The following ITSN2 variants were observed in gnomAD, a reference collection of about 807,000 sequenced individuals.
ITSN2 encodes intersectin-2.
A neutral mutation model predicts 243.7 loss-of-function variants in ITSN2; 156 were observed. That is an observed-to-expected ratio of 0.64 (90% CI 0.56 to 0.73). The LOEUF (loss-of-function observed/expected upper bound fraction) is 0.73, where lower values mean the gene tolerates loss of function less well. ITSN2 is among the 30% of genes least tolerant of loss of function. ITSN2 has a pLI of 0.00. For synonymous variants in ITSN2, 703 were observed against 699.9 expected (o/e 1.00, Z -0.07); for missense variants, 1,801 against 1,996.1 (o/e 0.90, Z 1.86).
Position 24,204,917 on chromosome 2 carries a change from C to T in ITSN2, c.4762+297G>A, listed in dbSNP as rs531243075. 4.3e-5 allele frequency: 16 copies of T among 374,496 alleles called. No homozygotes were observed. In the East Asian group the frequency reaches 7.0e-4, roughly 16 times the overall value. 23.2% of individuals were successfully genotyped at this position (374,496 alleles called of 1,614,324 possible). A position where few individuals can be genotyped will look rare whatever the true frequency, so the allele number is the denominator to read the frequency against. ...ATCCCAGCACTTTGGGAGGCCGAGG[C>T]GGGCAGATCACTTGAGGTCAGGAGT... is the stretch of plus-strand genomic sequence containing the variant. On this transcript the variant is annotated intron_variant, in intron 38 of 39. Coordinates refer to ENST00000355123, the MANE Select transcript of ITSN2 (RefSeq NM_006277.3). The surrounding 1 kb of genome is among the most constrained non-coding windows in gnomAD (Gnocchi z 5.1).
chr2:24,238,573 T>C (rs1430902788), intron 29 of ITSN2, among the ~76,000 whole-genome samples: 1 of 152,196 alleles, frequency 6.6e-6, no homozygotes, highest in Non-Finnish European at 1.5e-5. Flanking sequence ...ACATTTGCAA[T>C]GAGTATTAAT....
At position 24,326,710 on chromosome 2, in the gene ITSN2, A is replaced by G. The variant is rs1037021347; in HGVS notation, c.31+1342T>C. The G allele has an allele frequency of 4.1e-5, 7 of 169,154 alleles. No homozygotes were observed. The East Asian group carries it at 7.7e-4, about 19-fold the overall frequency. The allele number at this position is 169,154 out of a possible 1,614,324, so 10.5% of individuals were successfully genotyped here. A position where few individuals can be genotyped will look rare whatever the true frequency, so the allele number is the denominator to read the frequency against. On this transcript the variant is annotated intron_variant, in intron 2 of 39. Coordinates refer to ENST00000355123, the MANE Select transcript of ITSN2 (RefSeq NM_006277.3). Reference sequence around the variant, plus strand: ...AAAAGGTAAAACACGAAACAACAAAATCTTTACTTCAAGTCTATCCTTAAA... The same window carrying G: ...AAAAGGTAAAACACGAAACAACAAAGTCTTTACTTCAAGTCTATCCTTAAA...
chr2:24,252,310 T>C (rs1674448252), intron 25 of ITSN2, 35 bp downstream of exon 25: 3 of 1,457,182 alleles, frequency 2.1e-6, no homozygotes, highest in African/African-American at 1.4e-5. Flanking sequence ...ATAAACCTGA[T>C]TAACCAGAAT....
At chr2:24,295,025 T>C (rs1477566361) in intron 14 of ITSN2, among the ~76,000 whole-genome samples, 1 of 152,192 alleles carries the variant, frequency 6.6e-6, no homozygotes, top group African/African-American at 2.4e-5. Flanking sequence ...GAACTATGAG[T>C]AATAAATTTC....
chr2:24,212,190 CTA>C (rs1170270843), intron 33 of ITSN2, among the ~76,000 whole-genome samples: 1 of 152,172 alleles, frequency 6.6e-6, no homozygotes, highest in Non-Finnish European at 1.5e-5. Flanking sequence ...CAAATGAACT[CTA>C]TTTATGATGT....
At chr2:24,271,692 T>G (rs550877119) in intron 19 of ITSN2, 74 bp downstream of exon 19, 2 of 1,413,806 alleles carry the variant, frequency 1.4e-6, no homozygotes, top group Middle Eastern at 2.7e-4. Context: ...TTTTCTTCCC[T>G]TTTTTTGTCT....
At chr2:24,215,811 T>TAA (rs369946274) in intron 32 of ITSN2, among the ~76,000 whole-genome samples, 1 of 151,060 alleles carries the variant, frequency 6.6e-6, no homozygotes, top group Non-Finnish European at 1.5e-5. Context: ...TAAGTATGCT[T>TAA]AAAAAAAAAC....
chr2:24,297,062 A>G (rs547268399), intron 13 of ITSN2, among the ~76,000 whole-genome samples: 4 of 152,338 alleles, frequency 2.6e-5, no homozygotes, highest in African/African-American at 9.6e-5. Flanking sequence ...AAAATAGTGC[A>G]AGAGAGTTAA....
intron 13 of ITSN2, among the ~76,000 whole-genome samples, chr2:24,298,070 C>T (rs1170218123): frequency 1.3e-5 from 2 of 151,828 alleles, no homozygotes. Flanking sequence ...CTGCAACCTC[C>T]ACCTCCTGGG....
chr2:24,304,580 T>C (rs1682238373), intron 8 of ITSN2, among the ~76,000 whole-genome samples: 1 of 152,192 alleles, frequency 6.6e-6, no homozygotes, highest in African/African-American at 2.4e-5. Context: ...TCCTCAGATT[T>C]CACTTAGGAA....
chr2:24,275,404 G>A (rs1023323077), intron 18 of ITSN2, among the ~76,000 whole-genome samples: 12 of 151,720 alleles, frequency 7.9e-5, no homozygotes, highest in African/African-American at 2.9e-4. Context: ...ATGCATTATT[G>A]TCTCTATTTT....
At chr2:24,300,704 GAA>G (rs569520202) in intron 11 of ITSN2, among the ~76,000 whole-genome samples, 2 of 136,668 alleles carry the variant, frequency 1.5e-5, no homozygotes. Flanking sequence ...GGGCAACAAG[GAA>G]AAAAAAAAAA....
At chr2:24,219,288 C>T (rs1670235372) in intron 30 of ITSN2, among the ~76,000 whole-genome samples, 1 of 152,220 alleles carries the variant, frequency 6.6e-6, no homozygotes, top group South Asian at 2.1e-4. Flanking sequence ...CTTTGCACAT[C>T]GTGGTTTGTA....
intron 1 of ITSN2, among the ~76,000 whole-genome samples, chr2:24,334,056 AT>A (rs1553394535): frequency 5.7e-5 from 3 of 52,682 alleles, no homozygotes; most frequent in African/African-American, 1.4e-4. Context: ...CACCTGGCTA[AT>A]TTTTTTTTTT....
chr2:24,347,305 C>T (rs1294536789), intron 1 of ITSN2, among the ~76,000 whole-genome samples: 2 of 152,090 alleles, frequency 1.3e-5, no homozygotes, highest in East Asian at 1.9e-4. Context: ...GTTACATTCA[C>T]TCAGAATATT....
chr2:24,214,230 T>C (rs914549290), intron 32 of ITSN2, among the ~76,000 whole-genome samples: 2 of 152,240 alleles, frequency 1.3e-5, no homozygotes, highest in African/African-American at 4.8e-5. Flanking sequence ...AACAGCTGTA[T>C]TTGTAAATGA....
chr2:24,251,381 A>G (rs28765429), intron 25 of ITSN2, among the ~76,000 whole-genome samples: 1 of 1,470 alleles, frequency 6.8e-4, no homozygotes, highest in African/African-American at 2.2e-3. Flanking sequence ...GTATATATGT[A>G]TGTGTATATA....
At chr2:24,255,764 T>C (rs1674948279) in intron 23 of ITSN2, among the ~76,000 whole-genome samples, 1 of 151,296 alleles carries the variant, frequency 6.6e-6, no homozygotes, top group Non-Finnish European at 1.5e-5. Context: ...CTGTCTCTAC[T>C]AAAAATACAA....
intron 32 of ITSN2, among the ~76,000 whole-genome samples, chr2:24,214,992 TTTC>T (rs1230027859): frequency 1.3e-5 from 2 of 152,232 alleles, no homozygotes; most frequent in African/African-American, 2.4e-5. Context: ...ATAATAATAG[TTTC>T]TACTACTGAA....
Sources: gnomAD v4.1 joint callset for allele counts (sites outside exome capture counted in the v4.1 genomes callset) on GRCh38, gnomAD v4.1.1 for gene constraint, Gnocchi (gnomAD v3.1) non-coding constraint, MANE v1.5 for transcripts, NCBI Gene and HGNC (gene_info 2026-07-23, HGNC 2026-07-21) for gene names.